The following TAFA2 variants were observed in gnomAD, a reference collection of about 807,000 sequenced individuals.
TAFA2 encodes TAFA chemokine like family member 2.
A neutral mutation model predicts 18.8 loss-of-function variants in TAFA2; 7 were observed. The ratio of observed to expected loss-of-function variants is 0.37; its 90% CI spans 0.21 to 0.70. The LOEUF is 0.70. Among genes scored for constraint, TAFA2 ranks in the 30% least tolerant of loss-of-function variants. TAFA2 has a pLI of 0.53. For missense variants in TAFA2, 122 were observed against 158.1 expected, an observed-to-expected ratio of 0.77 and a Z score of 1.23; for synonymous variants, 60 against 54.2, an observed-to-expected ratio of 1.11 and a Z score of -0.47.
At chr12:61,717,267 G>C (rs1405683321) in intron 4 of TAFA2, among the ~76,000 whole-genome samples, 1 of 152,180 alleles carries the variant, frequency 6.6e-6, no homozygotes, top group Non-Finnish European at 1.5e-5. Context: ...CGAAATGAAA[G>C]ACACCTATTG....
chr12:61,801,226 A>T (rs1310891139), intron 2 of TAFA2, among the ~76,000 whole-genome samples: 5 of 152,160 alleles, frequency 3.3e-5, no homozygotes, highest in African/African-American at 1.2e-4. Flanking sequence ...TGCAATCCTT[A>T]TCAAAATATT....
intron 1 of TAFA2, among the ~76,000 whole-genome samples, chr12:62,086,523 G>T (rs55705004): frequency 0.011 from 1,657 of 152,114 alleles, 37 homozygotes; most frequent in African/African-American, 0.038. Context: ...GTATACAAAT[G>T]GGTAATAAGA....
chr12:62,051,527 C>T lies in TAFA2; in HGVS notation c.-2+139732G>A, dbSNP rs542575509. 5.3e-5 allele frequency among the ~76,000 whole-genome samples: 8 copies of T among 152,054 alleles called. No individual in the cohort carries two copies. The South Asian group carries it at 1.7e-3, about 32-fold the overall frequency. ...AGTAAGCTTCCAGTAAGAATAGGAG[C>T]AGCAAGAATTGAGATTCCAGGAGAA... is the stretch of plus-strand genomic sequence containing the variant. On this transcript the variant is annotated intron_variant, in intron 1 of 4. Coordinates refer to ENST00000416284, the MANE Select transcript of TAFA2 (RefSeq NM_178539.5).
intron 1 of TAFA2, among the ~76,000 whole-genome samples, chr12:62,246,998 G>A (rs2062889735): frequency 6.6e-6 from 1 of 151,846 alleles, no homozygotes; most frequent in Middle Eastern, 3.4e-3. Context: ...CATTTAATGT[G>A]AATATATTTG....
intron 2 of TAFA2, among the ~76,000 whole-genome samples, chr12:61,831,905 G>A (rs1447053180): frequency 6.6e-6 from 1 of 151,652 alleles, no homozygotes; most frequent in Non-Finnish European, 1.5e-5. Context: ...GGAAATGAGC[G>A]GTCTGAAATA....
At chr12:62,134,172 C>T (rs1247205516) in intron 1 of TAFA2, among the ~76,000 whole-genome samples, 2 of 151,882 alleles carry the variant, frequency 1.3e-5, no homozygotes, top group East Asian at 1.9e-4. Context: ...CAAGTCATCC[C>T]TGACAAACCT....
At chr12:62,232,541 TCTCA>T (rs955350146) in intron 1 of TAFA2, among the ~76,000 whole-genome samples, 83 of 151,902 alleles carry the variant, frequency 5.5e-4, no homozygotes, top group African/African-American at 1.9e-3. Flanking sequence ...TGACATGGAG[TCTCA>T]CTCAGTCACC....
chr12:61,787,532 T>G lies in TAFA2; in HGVS notation c.107-32508A>C, dbSNP rs1375399687. Among the ~76,000 whole-genome samples the G allele has an allele frequency of 9.2e-5, 14 of 151,536 alleles. No homozygotes were observed. The Admixed American group carries it at 9.2e-4, about 10-fold the overall frequency. The stretch of plus-strand genomic sequence containing the variant: ...GTTGTTAAGGAACACAAAATATATA[T>G]AGATGTAAATTAAAGCAACAAAAAT... On this transcript the variant is annotated intron_variant, in intron 2 of 4. Transcript: ENST00000416284.
intron 1 of TAFA2, among the ~76,000 whole-genome samples, chr12:62,082,546 T>C (rs965709783): frequency 1.3e-5 from 2 of 152,166 alleles, no homozygotes; most frequent in African/African-American, 4.8e-5. Context: ...TTCCAAGCAG[T>C]GAGGCGCTGG....
intron 1 of TAFA2, among the ~76,000 whole-genome samples, chr12:62,205,318 A>G (rs1180324918): frequency 1.3e-5 from 2 of 152,238 alleles, no homozygotes; most frequent in African/African-American, 4.8e-5. Flanking sequence ...GCACAGGATC[A>G]GGAACCCACT....
At chr12:62,171,326 T>C (rs1189625579) in intron 1 of TAFA2, among the ~76,000 whole-genome samples, 1 of 152,324 alleles carries the variant, frequency 6.6e-6, no homozygotes, top group East Asian at 1.9e-4. Flanking sequence ...TGCAGAACAA[T>C]TCCAGATCCT....
intron 1 of TAFA2, among the ~76,000 whole-genome samples, chr12:61,995,290 C>T (rs559689838): frequency 1.8e-4 from 28 of 152,290 alleles, no homozygotes; most frequent in African/African-American, 6.7e-4. Context: ...CTTTACGCTT[C>T]CTATACCCTG....
chr12:62,130,515 T>C (rs1870639008), intron 1 of TAFA2, among the ~76,000 whole-genome samples: 1 of 152,028 alleles, frequency 6.6e-6, no homozygotes, highest in South Asian at 2.1e-4. Context: ...CCCCAGGGTG[T>C]ATGGGGGTAG....
At chr12:62,239,875 TTAAA>T (rs2062854236) in intron 1 of TAFA2, among the ~76,000 whole-genome samples, 1 of 152,090 alleles carries the variant, frequency 6.6e-6, no homozygotes, top group African/African-American at 2.4e-5. Context: ...GTTTCATGAG[TTAAA>T]TAAATGATTG....
intron 1 of TAFA2, among the ~76,000 whole-genome samples, chr12:62,010,056 A>C (rs1181262363): frequency 6.6e-6 from 1 of 152,318 alleles, no homozygotes; most frequent in Admixed American, 6.5e-5. Context: ...ATTCTCCATT[A>C]GCTTTTACAT....
intron 1 of TAFA2, among the ~76,000 whole-genome samples, chr12:62,140,678 T>G (rs2062233827): frequency 1.3e-5 from 2 of 152,160 alleles, no homozygotes; most frequent in Non-Finnish European, 2.9e-5. Context: ...AATGTCTGCT[T>G]GGTTTCTCAG....
intron 1 of TAFA2, chr12:61,880,174 C>A: frequency 1.8e-6 from 1 of 545,010 alleles, no homozygotes; most frequent in South Asian, 1.7e-5. Flanking sequence ...TGTACCAGAT[C>A]AAGTATGAGG....
At chr12:62,250,435 T>A (rs1276209552) in intron 1 of TAFA2, among the ~76,000 whole-genome samples, 1 of 152,166 alleles carries the variant, frequency 6.6e-6, no homozygotes, top group Non-Finnish European at 1.5e-5. Context: ...TGCATGTATA[T>A]GTATGACTTG....
At chr12:62,095,000 T>C (rs1868886572) in intron 1 of TAFA2, among the ~76,000 whole-genome samples, 1 of 152,088 alleles carries the variant, frequency 6.6e-6, no homozygotes, top group Non-Finnish European at 1.5e-5. Context: ...GTTTTTTAAA[T>C]GCTAAGAATA....
Sources: allele counts gnomAD v4.1 joint callset (sites outside exome capture counted in the v4.1 genomes callset), GRCh38; gene constraint gnomAD v4.1.1; transcripts MANE v1.5; gene names NCBI Gene and HGNC (gene_info 2026-07-23, HGNC 2026-07-21).